Variants in DHX57 observed in about 807,000 individuals in gnomAD.
The protein encoded by DHX57 is putative ATP-dependent RNA helicase DHX57.
DHX57 carries 105 observed loss-of-function variants against 156.2 expected under a neutral mutation model. The ratio of observed to expected loss-of-function variants is 0.67; its 90% CI spans 0.57 to 0.79. DHX57 has a LOEUF of 0.79. DHX57 is among the 30% of genes least tolerant of loss of function. DHX57 has a pLI of 0.00. For missense variants in DHX57, 1,847 were observed against 1,661.9 expected (o/e 1.11, Z -1.94); for synonymous variants, 704 against 595.6 (o/e 1.18, Z -2.65).
chr2:38,862,224 C>G lies in DHX57; in HGVS notation c.493G>C (p.Glu165Gln), dbSNP rs1397344498. Residue 165 changes from glutamate to glutamine, a missense_variant, in exon 4 of 24, where the codon GAA (glutamate) becomes CAA (glutamine). Coordinates refer to ENST00000457308, the MANE Select transcript of DHX57 (RefSeq NM_198963.3). ...TCCACTGAGGCTAAGCCAGCATATT[C>G]CAAAGGATCCAAGTCGGGAACGAGG... ...PSLVPDLDPL[E>Q]YAGLASVEPY... 2 of 1,613,828 alleles carry G rather than the reference C, an allele frequency of 1.2e-6. No homozygotes were observed. Among genetic ancestry groups the G allele is most frequent in the Non-Finnish European group, 1.7e-6 (2 of 1,179,920 alleles).
At chr2:38,850,774 T>A (rs1172782666) in intron 9 of DHX57, among the ~76,000 whole-genome samples, 2 of 152,176 alleles carry the variant, frequency 1.3e-5, no homozygotes, top group African/African-American at 4.8e-5. Flanking sequence ...TATGAAATTC[T>A]TAATTTTACA....
At chr2:38,803,558 G>A (rs954918970) in intron 22 of DHX57, among the ~76,000 whole-genome samples, 3 of 151,522 alleles carry the variant, frequency 2.0e-5, no homozygotes, top group Non-Finnish European at 4.4e-5. Context: ...TGTGATCTCG[G>A]CTCACTGCAA....
intron 17 of DHX57, among the ~76,000 whole-genome samples, chr2:38,821,385 G>A (rs1670807297): frequency 6.6e-6 from 1 of 151,970 alleles, no homozygotes; most frequent in Admixed American, 6.6e-5. Context: ...ATAAAGAACG[G>A]AAAAACAATT....
chr2:38,833,747 G>C (rs963896271), intron 13 of DHX57, among the ~76,000 whole-genome samples: 3 of 151,964 alleles, frequency 2.0e-5, no homozygotes, highest in Non-Finnish European at 4.4e-5. Context: ...CTACTCATTG[G>C]CAATTTTCTT....
At chr2:38,868,546 G>A (rs1039984896) in intron 1 of DHX57, 135 bp from the exon 2 acceptor site, 1 of 934,484 alleles carries the variant, frequency 1.1e-6, no homozygotes, top group African/African-American at 1.7e-5. Flanking sequence ...CTGGTCTTGG[G>A]GCAGGATTCT....
intron 22 of DHX57, among the ~76,000 whole-genome samples, chr2:38,805,384 T>C (rs1437828486): frequency 2.0e-5 from 3 of 152,204 alleles, no homozygotes; most frequent in Non-Finnish European, 4.4e-5. Context: ...GAGTGTGTGG[T>C]ACACTCTGGA....
rs529526857 is a variant in DHX57, at chr2:38,813,126, G to A, written c.3681+695C>T. 1.0e-3 allele frequency among the ~76,000 whole-genome samples: 156 copies of A among 152,198 alleles called. 1 individual carries two copies. Among genetic ancestry groups the A allele is most frequent in the African/African-American group, 3.6e-3 (150 of 41,542 alleles). On this transcript the variant is annotated intron_variant, in intron 21 of 23. Transcript: ENST00000457308. Reference sequence around the variant, plus strand: ...TTCCCAAAGTGTTGGGATTACAGGCGTGAGCCACCATGCCTGGCTATTTTA... The same window carrying A: ...TTCCCAAAGTGTTGGGATTACAGGCATGAGCCACCATGCCTGGCTATTTTA...
intron 12 of DHX57, among the ~76,000 whole-genome samples, chr2:38,841,588 T>G (rs1219702157): frequency 6.6e-6 from 1 of 152,196 alleles, no homozygotes; most frequent in Non-Finnish European, 1.5e-5. Flanking sequence ...AAAGGAAAAT[T>G]CATTTGCCTT....
At chr2:38,812,458 C>A (rs1242446945) in intron 21 of DHX57, among the ~76,000 whole-genome samples, 1 of 152,182 alleles carries the variant, frequency 6.6e-6, no homozygotes, top group Non-Finnish European at 1.5e-5. Context: ...AATCAAAACT[C>A]AGGTAAAAGT....
intron 12 of DHX57, among the ~76,000 whole-genome samples, chr2:38,842,291 T>G (rs1416299102): frequency 6.6e-6 from 1 of 152,218 alleles, no homozygotes; most frequent in African/African-American, 2.4e-5. Flanking sequence ...GGAGCTGTTC[T>G]AGATCAAAGG....
chr2:38,799,092 G>T (rs1314852280), intron 23 of DHX57, among the ~76,000 whole-genome samples: 4 of 150,090 alleles, frequency 2.7e-5, no homozygotes, highest in Admixed American at 6.6e-5. Context: ...GGCCGGGCCC[G>T]GTGGCTCACG....
intron 5 of DHX57, among the ~76,000 whole-genome samples, chr2:38,860,413 C>T (rs1478757123): frequency 6.6e-6 from 1 of 152,128 alleles, no homozygotes; most frequent in Admixed American, 6.5e-5. Context: ...CATACCACTG[C>T]ACTCCAGCTT....
At position 38,868,283 on chromosome 2, in the gene DHX57, A is replaced by ACCG. The variant is rs1558408405; in HGVS notation, c.120_122dup (p.Gly49dup). The ACCG allele has an allele frequency of 6.4e-7, 1 of 1,567,372 alleles. No individual in the cohort carries two copies. Among genetic ancestry groups the ACCG allele is most frequent in the Admixed American group, 1.7e-5 (1 of 58,988 alleles). ...TGCCGCCACCTCCACCACCACCACC[A>ACCG]CCGCCACCGCCACCACTCCCATGAG... On this transcript the variant is annotated inframe_insertion, in exon 2 of 24. Transcript: ENST00000457308.
chr2:38,810,990 T>C (rs952644307), intron 21 of DHX57: 1 of 779,154 alleles, frequency 1.3e-6, no homozygotes, highest in African/African-American at 1.7e-5. Context: ...CAGGGACCCC[T>C]TTTTTACTCA....
At chr2:38,872,322 T>C (rs1011078226) in intron 1 of DHX57, among the ~76,000 whole-genome samples, 8 of 151,866 alleles carry the variant, frequency 5.3e-5, no homozygotes, top group African/African-American at 1.2e-4. Flanking sequence ...GAAGAAAAAA[T>C]AGACATTGAG....
chr2:38,848,101 G>A (rs1245543795), intron 10 of DHX57, among the ~76,000 whole-genome samples, 168 bp downstream of exon 10: 2 of 151,908 alleles, frequency 1.3e-5, no homozygotes, highest in African/African-American at 4.8e-5. Flanking sequence ...AAATCTCCCA[G>A]CAAGATATGT....
intron 13 of DHX57, among the ~76,000 whole-genome samples, chr2:38,832,266 C>G (rs1671418862): frequency 6.6e-6 from 1 of 151,822 alleles, no homozygotes; most frequent in Admixed American, 6.6e-5. Flanking sequence ...ACTGTGAAAC[C>G]CCGTCTCTAC....
chr2:38,855,293 A>G (rs764588142), intron 7 of DHX57, 41 bp from the exon 8 acceptor site: 16 of 1,585,002 alleles, frequency 1.0e-5, no homozygotes, highest in African/African-American at 1.3e-5. Flanking sequence ...GAAGTTTTCA[A>G]GGGCTAGTTA....
chr2:38,818,241 G>T (rs1009821409), intron 19 of DHX57, among the ~76,000 whole-genome samples: 15 of 152,038 alleles, frequency 9.9e-5, no homozygotes, highest in Admixed American at 7.2e-4. Context: ...AGAATGCCTG[G>T]TGTAGCCCGG....
Sources: allele counts gnomAD v4.1 joint callset (sites outside exome capture counted in the v4.1 genomes callset), GRCh38; gene constraint gnomAD v4.1.1; transcripts MANE v1.5; gene names NCBI Gene and HGNC (gene_info 2026-07-23, HGNC 2026-07-21).